The following PCDHGA3 variants were observed in gnomAD, a reference collection of about 807,000 sequenced individuals.
The protein encoded by PCDHGA3 is protocadherin gamma subfamily A, 3, also known as protocadherin gamma-A3.
In PCDHGA3, 40 loss-of-function variants were observed where a neutral mutation model predicts 58.5. The observed-to-expected ratio is 0.68, with a 90% CI of 0.53 to 0.89. The LOEUF (loss-of-function observed/expected upper bound fraction) is 0.89, where lower values mean the gene tolerates loss of function less well. PCDHGA3 is among the 40% of genes least tolerant of loss of function. The probability of loss-of-function intolerance (pLI) is 0.00; values close to 1 mark genes in which losing one functional copy is unlikely to be tolerated. For synonymous variants in PCDHGA3, 530 were observed against 525.7 expected, an observed-to-expected ratio of 1.01 and a Z score of -0.11; for missense variants, 1,223 against 1,195.9, an observed-to-expected ratio of 1.02 and a Z score of -0.33.
intron 1 of PCDHGA3, chr5:141,361,437 C>T: frequency 6.2e-7 from 1 of 1,614,058 alleles, no homozygotes; most frequent in Non-Finnish European, 8.5e-7. Context: ...CCCTCTCCTC[C>T]AGCATAATTG....
rs186060216 is a variant in PCDHGA3, at chr5:141,344,384, T to C, written c.351T>C (p.Phe117=). The C allele has an allele frequency of 5.3e-5, 86 of 1,612,814 alleles. No individual in the cohort carries two copies. The African/African-American group carries it at 1.1e-3, about 20-fold the overall frequency. The change falls in exon 1 of 4, where the codon TTT becomes TTC. Residue 117 remains phenylalanine, a synonymous_variant. Coordinates refer to ENST00000253812, the MANE Select transcript of PCDHGA3 (RefSeq NM_018916.4). Reference sequence around the variant, plus strand: ...TGGTTGAGGATAAATTGAAAATTTTTGAAGTAGAAATAGAAATTAAAGATA... The same window carrying C: ...TGGTTGAGGATAAATTGAAAATTTTCGAAGTAGAAATAGAAATTAAAGATA... ...NILVEDKLKI[F]EVEIEIKDIN... is the part of the protein sequence containing the mutation.
At chr5:141,456,873 G>A (rs2098894054) in intron 1 of PCDHGA3, among the ~76,000 whole-genome samples, 1 of 152,152 alleles carries the variant, frequency 6.6e-6, no homozygotes, top group Non-Finnish European at 1.5e-5. Context: ...TGAGGCAGGA[G>A]AATCGCTTGA....
At chr5:141,383,889 G>T in intron 1 of PCDHGA3, 1 of 1,613,938 alleles carries the variant, frequency 6.2e-7, no homozygotes, top group South Asian at 1.1e-5. Context: ...GTCTGACAAA[G>T]GCAAAAGTAC....
chr5:141,345,150 G>T lies in PCDHGA3; in HGVS notation c.1117G>T (p.Asp373Tyr). ...AGAAATTGCTCTTATCGACGTGCAT[G>T]ACCGAGATTCTGGGCAGAATGGGCA... ...GREIALIDVH[D>Y]RDSGQNGQVE... Residue 373 changes from aspartate (D) to tyrosine (Y), a missense_variant, in exon 1 of 4, where the codon GAC becomes TAC. Asp to Tyr is a radical substitution (Grantham distance 160, BLOSUM62 -3). Around this residue, in one of 3 missense-constraint regions of PCDHGA3, gnomAD observed 791 missense variants for 708.5 expected, o/e 1.12. Coordinates refer to ENST00000253812, the MANE Select transcript of PCDHGA3 (RefSeq NM_018916.4). 1 of 1,613,964 alleles carries T rather than the reference G, an allele frequency of 6.2e-7. No homozygotes were observed. Among genetic ancestry groups the T allele is most frequent in the East Asian group, 2.2e-5 (1 of 44,886 alleles).
chr5:141,383,192 A>T, intron 1 of PCDHGA3: 1 of 1,614,092 alleles, frequency 6.2e-7, no homozygotes, highest in Non-Finnish European at 8.5e-7. Context: ...ATCTGCGCTC[A>T]GAGTGCGCGG....
intron 1 of PCDHGA3, among the ~76,000 whole-genome samples, chr5:141,471,992 C>T (rs2099268578): frequency 6.6e-6 from 1 of 152,070 alleles, no homozygotes; most frequent in Non-Finnish European, 1.5e-5. Flanking sequence ...TATTAAAAAT[C>T]CCTGCATCGT....
intron 1 of PCDHGA3, among the ~76,000 whole-genome samples, chr5:141,494,447 G>C (rs1413012155): frequency 6.6e-6 from 1 of 152,118 alleles, no homozygotes. Context: ...GCCACTTTAG[G>C]GGGCTTTGTC....
At chr5:141,407,881 C>T in intron 1 of PCDHGA3, 2 of 375,244 alleles carry the variant, frequency 5.3e-6, no homozygotes, top group Non-Finnish European at 9.5e-6. Context: ...ATATACATTT[C>T]GGAGACCGAA....
chr5:141,461,334 G>T (rs558562450), intron 1 of PCDHGA3, among the ~76,000 whole-genome samples: 75 of 152,166 alleles, frequency 4.9e-4, no homozygotes, highest in African/African-American at 1.7e-3. Flanking sequence ...GGCCATTCTT[G>T]CAGGACCAAG....
chr5:141,480,407 C>T (rs906445993), intron 1 of PCDHGA3, among the ~76,000 whole-genome samples: 1 of 139,782 alleles, frequency 7.2e-6, no homozygotes, highest in Admixed American at 7.0e-5. Context: ...AGAGTGAGAC[C>T]CTGTCTCAAA....
intron 1 of PCDHGA3, chr5:141,399,208 C>G: frequency 6.2e-7 from 1 of 1,613,958 alleles, no homozygotes; most frequent in Non-Finnish European, 8.5e-7. Context: ...GCCTGGAACA[C>G]TAATTGCTTT....
Position 141,476,525 on chromosome 5 carries a change from A to T in PCDHGA3, c.2425-18282A>T, listed in dbSNP as rs766638463. On this transcript the variant is annotated intron_variant, in intron 1 of 3. Coordinates refer to ENST00000253812, the MANE Select transcript of PCDHGA3 (RefSeq NM_018916.4). This position sits in a 1 kb window ranked among gnomAD's most constrained non-coding sequence, Gnocchi z 7.6. ...CAACGACAACAATCCTGCTTTCCCTACCCAGGAAATGAAATTGGAGATTAG... is the reference window on the plus strand; with the variant it reads ...CAACGACAACAATCCTGCTTTCCCTTCCCAGGAAATGAAATTGGAGATTAG... The T allele has an allele frequency of 6.2e-7, 1 of 1,614,068 alleles. No homozygotes were observed. The highest frequency in any genetic ancestry group is 2.2e-5 in the East Asian group (1 of 44,854).
At position 141,398,898 on chromosome 5, in the gene PCDHGA3, A is replaced by G. The variant is rs565517655; in HGVS notation, c.2424+52441A>G. 11 of 1,613,922 alleles carry G rather than the reference A, an allele frequency of 6.8e-6. No homozygotes were observed. The African/African-American group carries it at 1.1e-4, about 16-fold the overall frequency. ...TCAGCCTTCGGGAAAACGTGCCACCAGGCACCACTGTGTTGCAAGTGTCAG... is the reference window on the plus strand; with the variant it reads ...TCAGCCTTCGGGAAAACGTGCCACCGGGCACCACTGTGTTGCAAGTGTCAG... On this transcript the variant is annotated intron_variant, in intron 1 of 3. Coordinates refer to ENST00000253812, the MANE Select transcript of PCDHGA3 (RefSeq NM_018916.4).
At chr5:141,449,025 C>G (rs2154562458) in intron 1 of PCDHGA3, among the ~76,000 whole-genome samples, 1 of 152,216 alleles carries the variant, frequency 6.6e-6, no homozygotes, top group East Asian at 1.9e-4. Flanking sequence ...GCTTAGCATT[C>G]CTTTGGATTA....
chr5:141,451,009 T>C (rs1437016950), intron 1 of PCDHGA3, among the ~76,000 whole-genome samples: 1 of 151,566 alleles, frequency 6.6e-6, no homozygotes, highest in East Asian at 1.9e-4. Context: ...GTATTTTTTT[T>C]AGTAGAGACG....
intron 1 of PCDHGA3, among the ~76,000 whole-genome samples, chr5:141,460,478 A>G (rs989135238): frequency 6.6e-5 from 10 of 152,136 alleles, no homozygotes; most frequent in African/African-American, 2.4e-4. Context: ...GGAATATCCA[A>G]TTGTCTCTTT....
intron 1 of PCDHGA3, among the ~76,000 whole-genome samples, chr5:141,445,784 G>A (rs2098477494): frequency 6.6e-6 from 1 of 152,168 alleles, no homozygotes; most frequent in Non-Finnish European, 1.5e-5. Flanking sequence ...GGGCTAGGGA[G>A]GCTAGAAACA....
In PCDHGA3 at chr5:141,476,073, A is replaced by C. The variant is rs765071344; in HGVS notation, c.2425-18734A>C. On this transcript the variant is annotated intron_variant, in intron 1 of 3. Coordinates refer to ENST00000253812, the MANE Select transcript of PCDHGA3 (RefSeq NM_018916.4). The surrounding 1 kb of genome is among the most constrained non-coding windows in gnomAD (Gnocchi z 7.6). ...GCTGAAAGTTTCTCAGCGAAATCTC[A>C]GGGACGATCTGGACCCCGCTGAGAG... 4 of 1,524,010 alleles carry C rather than the reference A, an allele frequency of 2.6e-6. No individual in the cohort carries two copies. Among genetic ancestry groups the C allele is most frequent in the Admixed American group, 4.2e-5 (2 of 47,746 alleles). The allele number at this position is 1,524,010 out of a possible 1,614,324, so 94.4% of individuals were successfully genotyped here. A position where few individuals can be genotyped will look rare whatever the true frequency, so the allele number is the denominator to read the frequency against.
intron 1 of PCDHGA3, chr5:141,393,783 G>C: frequency 6.2e-7 from 1 of 1,613,982 alleles, no homozygotes. Context: ...AGCCGAAGAT[G>C]TGGGGGCACT....
Sources: gnomAD v4.1 joint callset for allele counts (sites outside exome capture counted in the v4.1 genomes callset) on GRCh38, gnomAD v4.1.1 for gene constraint, gnomAD v4.1.1 regional missense constraint, Gnocchi (gnomAD v3.1) non-coding constraint, MANE v1.5 for transcripts, NCBI Gene and HGNC (gene_info 2026-07-23, HGNC 2026-07-21) for gene names.